The following KCNIP4 variants were observed in gnomAD, a reference collection of about 807,000 sequenced individuals.
KCNIP4 encodes the protein Kv channel-interacting protein 4.
Under a neutral mutation model 34.0 loss-of-function variants are expected in KCNIP4, and 12 were observed. The observed-to-expected ratio is 0.35, with a 90% CI of 0.23 to 0.57. KCNIP4 has a LOEUF of 0.57. Ranked by LOEUF, KCNIP4 falls within the 20% of genes least tolerant of loss-of-function variation. The pLI is 0.83. For missense variants in KCNIP4, 238 were observed against 311.7 expected, an observed-to-expected ratio of 0.76 and a Z score of 1.78; for synonymous variants, 124 against 102.2, an observed-to-expected ratio of 1.21 and a Z score of -1.29.
Position 21,257,018 on chromosome 4 carries a change from A to G in KCNIP4, c.62-374309T>C, listed in dbSNP as rs141180782. Among the ~76,000 whole-genome samples the G allele has an allele frequency of 3.3e-3, 496 of 152,312 alleles. 5 individuals carry two copies. The highest frequency in any genetic ancestry group is 0.011 in the African/African-American group (464 of 41,570). ...TGCTTTGGTCATTTTTCCATGCCAC[A>G]ATCGCTAGAACAGTGCCTGACACAC... On this transcript the variant is annotated intron_variant, in intron 1 of 8. Transcript: ENST00000382152.
intron 1 of KCNIP4, among the ~76,000 whole-genome samples, chr4:21,735,966 C>T (rs1262423064): frequency 6.6e-6 from 1 of 152,090 alleles, no homozygotes; most frequent in South Asian, 2.1e-4. Context: ...CCATGCATGG[C>T]CATGTGACTT....
At chr4:21,625,219 T>C (rs1282691813) in intron 1 of KCNIP4, among the ~76,000 whole-genome samples, 1 of 152,124 alleles carries the variant, frequency 6.6e-6, no homozygotes, top group Non-Finnish European at 1.5e-5. Context: ...AACTATTTTT[T>C]ACCTCTATTT....
intron 1 of KCNIP4, among the ~76,000 whole-genome samples, chr4:21,148,254 T>C (rs539441067): frequency 6.5e-4 from 99 of 152,328 alleles, no homozygotes; most frequent in Non-Finnish European, 5.6e-4. Flanking sequence ...TTGTATATTA[T>C]AAAGAACAAT....
chr4:20,991,142 G>T (rs1737047224), intron 1 of KCNIP4, among the ~76,000 whole-genome samples: 1 of 152,046 alleles, frequency 6.6e-6, no homozygotes, highest in African/African-American at 2.4e-5. Flanking sequence ...CAAGAGCCAG[G>T]GTTCTTACAT....
intron 1 of KCNIP4, among the ~76,000 whole-genome samples, chr4:20,995,473 C>T (rs2149710936): frequency 6.6e-6 from 1 of 152,262 alleles, no homozygotes; most frequent in Middle Eastern, 3.4e-3. Flanking sequence ...GACCAATAAA[C>T]TGTGATCCAG....
At chr4:20,734,594 C>G (rs369137711) in intron 6 of KCNIP4, 34 bp downstream of exon 6, 28 of 974,270 alleles carry the variant, frequency 2.9e-5, no homozygotes, top group Non-Finnish European at 4.0e-5. Context: ...GAAAATGGTC[C>G]AAATTACTGT....
chr4:20,858,436 A>G (rs926107288), intron 2 of KCNIP4, among the ~76,000 whole-genome samples: 2 of 152,108 alleles, frequency 1.3e-5, no homozygotes, highest in African/African-American at 4.8e-5. Flanking sequence ...ATATCTACCT[A>G]TATTCAAATG....
At chr4:21,610,890 A>G (rs1744106506) in intron 1 of KCNIP4, among the ~76,000 whole-genome samples, 3 of 151,930 alleles carry the variant, frequency 2.0e-5, no homozygotes, top group Admixed American at 6.6e-5. Context: ...ACATAGGTAT[A>G]TATGTGCCAC....
At chr4:21,939,429 T>C (rs1469755542) in intron 1 of KCNIP4, among the ~76,000 whole-genome samples, 1 of 152,110 alleles carries the variant, frequency 6.6e-6, no homozygotes, top group African/African-American at 2.4e-5. Flanking sequence ...AAAGATGAGA[T>C]TTATTCTATA....
At chr4:20,732,376 C>T (rs1284861574) in intron 7 of KCNIP4, among the ~76,000 whole-genome samples, 1 of 152,076 alleles carries the variant, frequency 6.6e-6, no homozygotes, top group African/African-American at 2.4e-5. Flanking sequence ...TGCTTTTTGT[C>T]TCATCTGTAA....
chr4:21,712,939 G>T (rs915546715), intron 1 of KCNIP4, among the ~76,000 whole-genome samples: 3 of 152,104 alleles, frequency 2.0e-5, no homozygotes, highest in Admixed American at 1.3e-4. Flanking sequence ...CTTCCTCCCT[G>T]TGTCTGCTTC....
chr4:21,470,448 C>G (rs1472971618), intron 1 of KCNIP4, among the ~76,000 whole-genome samples: 2 of 152,072 alleles, frequency 1.3e-5, no homozygotes, highest in African/African-American at 4.8e-5. Flanking sequence ...TTGTAACATG[C>G]TACTCTCTGT....
intron 1 of KCNIP4, among the ~76,000 whole-genome samples, chr4:21,577,070 TA>T (rs771428292): frequency 3.0e-4 from 46 of 152,232 alleles, no homozygotes; most frequent in Non-Finnish European, 5.1e-4. Context: ...TACCACCCCA[TA>T]AATGAATACC....
chr4:21,268,985 A>C (rs1326077745), intron 1 of KCNIP4, among the ~76,000 whole-genome samples: 1 of 152,204 alleles, frequency 6.6e-6, no homozygotes, highest in African/African-American at 2.4e-5. Context: ...TAAACCTACA[A>C]GTACTTCAGC....
chr4:21,708,379 C>T (rs1713458631), intron 1 of KCNIP4, among the ~76,000 whole-genome samples: 1 of 152,020 alleles, frequency 6.6e-6, no homozygotes, highest in Admixed American at 6.6e-5. Flanking sequence ...TTCTTAGGCC[C>T]CGCCTCCAAT....
chr4:21,576,771 ATTATC>A (rs1274800196), intron 1 of KCNIP4, among the ~76,000 whole-genome samples: 1 of 152,110 alleles, frequency 6.6e-6, no homozygotes, highest in East Asian at 1.9e-4. Context: ...TATGATAATA[ATTATC>A]TTATATTAAT....
At chr4:20,748,894 GTA>G (rs57841958) in intron 5 of KCNIP4, among the ~76,000 whole-genome samples, 12,601 of 144,948 alleles carry the variant, frequency 0.087, 582 homozygotes, top group Middle Eastern at 0.12. Flanking sequence ...GTGTGTGTGT[GTA>G]TATATATATA....
rs202208252 is a variant in KCNIP4, at chr4:20,732,048, A to G, written c.663T>C (p.Asp221=). The change falls in exon 8 of 9, where the codon GAT becomes GAC. Residue 221 remains aspartate, a synonymous_variant. Transcript: ENST00000382152. ...TGAACTCATCTATGGTAACAACCCC[A>G]TCTTTATTTTTGTCCATTTTCTGTT... ...TFFQKMDKNK[D]GVVTIDEFIE... 7.3e-5 allele frequency: 118 copies of G among 1,612,424 alleles called. No homozygotes were observed. The highest frequency in any genetic ancestry group is 8.8e-5 in the Non-Finnish European group (104 of 1,179,464).
At chr4:20,860,557 C>A (rs977204317) in intron 2 of KCNIP4, among the ~76,000 whole-genome samples, 1 of 152,122 alleles carries the variant, frequency 6.6e-6, no homozygotes, top group Non-Finnish European at 1.5e-5. Context: ...TTTGTCTAGA[C>A]AAAAATTCAG....
Sources: allele counts gnomAD v4.1 joint callset (sites outside exome capture counted in the v4.1 genomes callset), GRCh38; gene constraint gnomAD v4.1.1; transcripts MANE v1.5; gene names NCBI Gene and HGNC (gene_info 2026-07-23, HGNC 2026-07-21).